The following NCAM2 variants were observed in gnomAD, a reference collection of about 807,000 sequenced individuals.
The protein encoded by NCAM2 is N-CAM-2.
NCAM2 carries 30 observed loss-of-function variants against 98.1 expected under a neutral mutation model. The ratio of observed to expected loss-of-function variants is 0.31; its 90% CI spans 0.23 to 0.41. NCAM2 has a LOEUF of 0.41. NCAM2 is among the 10% of genes least tolerant of loss of function. The pLI is 1.00. For missense variants in NCAM2, 867 were observed against 1,005.8 expected, an observed-to-expected ratio of 0.86 and a Z score of 1.87; for synonymous variants, 368 against 342.4, an observed-to-expected ratio of 1.07 and a Z score of -0.83.
chr21:21,004,332 T>G (rs2064073391), intron 1 of NCAM2, among the ~76,000 whole-genome samples: 1 of 152,172 alleles, frequency 6.6e-6, no homozygotes, highest in Non-Finnish European at 1.5e-5. Flanking sequence ...TTATAACTTA[T>G]GATTACCAAT....
At chr21:21,426,810 A>G (rs2077223900) in intron 11 of NCAM2, among the ~76,000 whole-genome samples, 2 of 152,190 alleles carry the variant, frequency 1.3e-5, no homozygotes, top group African/African-American at 2.4e-5. Flanking sequence ...TAGGTTCACT[A>G]CATGAAACTT....
At chr21:21,413,531 C>T (rs2776101) in intron 10 of NCAM2, among the ~76,000 whole-genome samples, 7,358 of 152,136 alleles carry the variant, frequency 0.048, 603 homozygotes, top group African/African-American at 0.17. Context: ...AGGTTTAGTT[C>T]CAAGAGCACC....
chr21:21,293,132 A>T (rs1352381926), intron 5 of NCAM2, among the ~76,000 whole-genome samples: 2 of 151,902 alleles, frequency 1.3e-5, no homozygotes, highest in Non-Finnish European at 2.9e-5. Flanking sequence ...ACAACATGGG[A>T]TGAAATTTTG....
chr21:21,074,108 G>A (rs1243750672), intron 1 of NCAM2, among the ~76,000 whole-genome samples: 1 of 151,984 alleles, frequency 6.6e-6, no homozygotes, highest in Non-Finnish European at 1.5e-5. Flanking sequence ...CCATAATTAT[G>A]TAATAAAATT....
At chr21:21,229,809 A>T (rs2070547126) in intron 1 of NCAM2, among the ~76,000 whole-genome samples, 1 of 151,424 alleles carries the variant, frequency 6.6e-6, no homozygotes, top group Non-Finnish European at 1.5e-5. Flanking sequence ...AGCGATAAGG[A>T]TTTTTCATGA....
chr21:21,479,664 G>A (rs903675850), intron 15 of NCAM2, among the ~76,000 whole-genome samples: 2 of 147,162 alleles, frequency 1.4e-5, no homozygotes, highest in Non-Finnish European at 1.5e-5. Flanking sequence ...AAAATTAAAA[G>A]GTAATAAAAG....
chr21:21,254,509 C>T (rs1016830884), intron 1 of NCAM2, among the ~76,000 whole-genome samples: 1 of 152,168 alleles, frequency 6.6e-6, no homozygotes, highest in African/African-American at 2.4e-5. Context: ...AATTGACACA[C>T]TTTTCTCCTC....
intron 1 of NCAM2, among the ~76,000 whole-genome samples, chr21:21,051,510 G>A (rs73218278): frequency 0.06 from 9,097 of 152,216 alleles, 281 homozygotes; most frequent in East Asian, 0.096. Flanking sequence ...AACAAAATAT[G>A]AAACAAACTT....
intron 8 of NCAM2, among the ~76,000 whole-genome samples, chr21:21,369,608 A>G (rs942130519): frequency 2.0e-5 from 3 of 151,934 alleles, no homozygotes; most frequent in Admixed American, 6.6e-5. Flanking sequence ...ATCCTGGCCA[A>G]CATGTGTTAC....
intron 1 of NCAM2, among the ~76,000 whole-genome samples, chr21:21,238,209 G>C (rs755166428): frequency 3.3e-5 from 5 of 151,702 alleles, no homozygotes; most frequent in Non-Finnish European, 5.9e-5. Flanking sequence ...CGCCCATCTC[G>C]GCCTCCCAGA....
intron 13 of NCAM2, among the ~76,000 whole-genome samples, chr21:21,468,057 A>G (rs1983955751): frequency 6.6e-6 from 1 of 152,016 alleles, no homozygotes; most frequent in Non-Finnish European, 1.5e-5. Context: ...TCATTGTTAT[A>G]TGGCTATCTC....
intron 16 of NCAM2, among the ~76,000 whole-genome samples, chr21:21,521,907 T>C (rs1349491331): frequency 1.3e-5 from 2 of 151,580 alleles, no homozygotes; most frequent in Non-Finnish European, 2.9e-5. Flanking sequence ...CACCATACCA[T>C]AGATCCAGAA....
chr21:21,363,104 T>C (rs964670670), intron 8 of NCAM2, among the ~76,000 whole-genome samples: 4 of 152,168 alleles, frequency 2.6e-5, no homozygotes, highest in Non-Finnish European at 4.4e-5. Context: ...TAATTTTTGA[T>C]TGATTAGTGA....
intron 11 of NCAM2, among the ~76,000 whole-genome samples, chr21:21,428,828 T>C (rs1478412288): frequency 6.6e-6 from 1 of 152,234 alleles, no homozygotes; most frequent in African/African-American, 2.4e-5. Flanking sequence ...ATATGTTCTG[T>C]ATCTTTGTAT....
chr21:21,324,395 T>C lies in NCAM2; in HGVS notation c.632T>C (p.Ile211Thr). 2 of 1,612,968 alleles carry C rather than the reference T, an allele frequency of 1.2e-6. No individual in the cohort carries two copies. Among genetic ancestry groups the C allele is most frequent in the Non-Finnish European group, 1.7e-6 (2 of 1,179,166 alleles). The change falls in exon 6 of 18, where the codon ATC becomes ACC. Residue 211 changes from isoleucine to threonine, a missense_variant. Ile to Thr is a moderately conservative substitution (Grantham distance 89). Transcript: ENST00000400546. ...ATCTCTCCTTCAGTGCCGCCAGCAA[T>C]CTCAATGCCTCAGAAATCTTTTAAT... is the stretch of plus-strand genomic sequence containing the variant. Reference protein sequence around the residue: ...IIVIVNVPPAISMPQKSFNAT... With the variant: ...IIVIVNVPPATSMPQKSFNAT...
chr21:21,509,152 T>A, intron 16 of NCAM2, 97 bp downstream of exon 16: 1 of 1,184,810 alleles, frequency 8.4e-7, no homozygotes, highest in Non-Finnish European at 1.2e-6. Flanking sequence ...AGGAGTAGGG[T>A]AAAGAGTTTG....
intron 1 of NCAM2, among the ~76,000 whole-genome samples, chr21:21,013,507 C>T (rs946922551): frequency 2.6e-5 from 4 of 152,122 alleles, no homozygotes; most frequent in Admixed American, 6.5e-5. Flanking sequence ...GAGGGCCGGA[C>T]GTGGTGGCTC....
At chr21:21,329,758 G>C (rs2074620748) in intron 6 of NCAM2, among the ~76,000 whole-genome samples, 1 of 151,856 alleles carries the variant, frequency 6.6e-6, no homozygotes, top group Admixed American at 6.6e-5. Context: ...TAAATTTCTG[G>C]AAAAATTGCC....
chr21:21,047,213 A>G (rs1042932018), intron 1 of NCAM2, among the ~76,000 whole-genome samples: 1 of 152,204 alleles, frequency 6.6e-6, no homozygotes, highest in Non-Finnish European at 1.5e-5. Context: ...ATTTAAGACA[A>G]TGCTTGTAAG....
Sources: allele counts gnomAD v4.1 joint callset (sites outside exome capture counted in the v4.1 genomes callset), GRCh38; gene constraint gnomAD v4.1.1; transcripts MANE v1.5; gene names NCBI Gene and HGNC (gene_info 2026-07-23, HGNC 2026-07-21).